The following TBC1D16 variants were observed in gnomAD, a reference collection of about 807,000 sequenced individuals.
TBC1D16 encodes the protein CTD-2529O21.1.
A neutral mutation model predicts 74.7 loss-of-function variants in TBC1D16; 58 were observed. The ratio of observed to expected loss-of-function variants is 0.78; its 90% CI spans 0.63 to 0.97. TBC1D16 has a LOEUF of 0.97. Ranked by LOEUF, TBC1D16 falls within the 50% of genes least tolerant of loss-of-function variation. The pLI, the probability that TBC1D16 is intolerant of heterozygous loss-of-function variation, is 0.00. For missense variants in TBC1D16, 1,014 were observed against 1,079.5 expected (o/e 0.94, Z 0.85); for synonymous variants, 493 against 474.7 (o/e 1.04, Z -0.50).
intron 5 of TBC1D16, among the ~76,000 whole-genome samples, chr17:79,951,234 G>C (rs1045202302): frequency 6.6e-6 from 1 of 152,238 alleles, no homozygotes; most frequent in African/African-American, 2.4e-5. Flanking sequence ...GTCAAAACAT[G>C]ATTTTTCAAG....
rs372386500 is a variant in TBC1D16, at chr17:80,031,733, G to C, written c.-63+4062C>G. On this transcript the variant is annotated intron_variant, in intron 1 of 11. Transcript: ENST00000310924. ...CCTGGGAGAAGAAACTCAACTCAGAGGTGAGCCTGGATCTGGGACTAAGGA... is the reference window on the plus strand; with the variant it reads ...CCTGGGAGAAGAAACTCAACTCAGACGTGAGCCTGGATCTGGGACTAAGGA... Among the ~76,000 whole-genome samples the C allele has an allele frequency of 4.1e-4, 63 of 152,324 alleles. 1 individual carries two copies. The South Asian group carries it at 0.013, about 31-fold the overall frequency.
intron 1 of TBC1D16, among the ~76,000 whole-genome samples, chr17:80,030,300 G>C (rs1568654820): frequency 6.6e-6 from 1 of 152,136 alleles, no homozygotes; most frequent in Non-Finnish European, 1.5e-5. Context: ...CCCCCACGCA[G>C]AGTGACTACT....
chr17:80,027,950 C>A (rs1479316045), intron 1 of TBC1D16, among the ~76,000 whole-genome samples: 2 of 148,902 alleles, frequency 1.3e-5, no homozygotes, highest in East Asian at 2.0e-4. Context: ...ACAATAAGAA[C>A]CCCCCATTCT....
intron 1 of TBC1D16, among the ~76,000 whole-genome samples, chr17:80,021,661 A>G (rs2036285868): frequency 6.7e-6 from 1 of 149,050 alleles, no homozygotes; most frequent in Non-Finnish European, 1.5e-5. Context: ...CACGCACCAC[A>G]TACCATAGGC....
chr17:80,032,991 G>A (rs754404158), intron 1 of TBC1D16, among the ~76,000 whole-genome samples: 2 of 152,108 alleles, frequency 1.3e-5, no homozygotes, highest in Non-Finnish European at 2.9e-5. Context: ...CCCAGCCCCC[G>A]GTCAAGTTGT....
In TBC1D16 at chr17:80,010,808, A is replaced by C; in HGVS notation, c.182-51T>G. 1 of 1,367,770 alleles carries C rather than the reference A, an allele frequency of 7.3e-7. No homozygotes were observed. Among genetic ancestry groups the C allele is most frequent in the Non-Finnish European group, 9.7e-7 (1 of 1,034,216 alleles). 84.7% of individuals were successfully genotyped at this position (1,367,770 alleles called of 1,614,324 possible). On this transcript the variant is annotated intron_variant, in intron 2 of 11. Coordinates refer to ENST00000310924, the MANE Select transcript of TBC1D16 (RefSeq NM_019020.4). The surrounding 1 kb of genome is among the most constrained non-coding windows in gnomAD (Gnocchi z 8.8). ...GTTAGAGGCCAGGAGGCTGTGGATG[A>C]GGCCCTTGTGGTACCTTTGGCGAGC...
chr17:79,962,201 A>ATTT (rs563506473), intron 3 of TBC1D16, among the ~76,000 whole-genome samples: 9 of 64,920 alleles, frequency 1.4e-4, no homozygotes, highest in East Asian at 5.9e-4. Context: ...ATCTCAACCT[A>ATTT]TTTTTTTTTT....
In TBC1D16 at chr17:79,938,600, G is replaced by C. The variant is rs1663195; in HGVS notation, c.*2259C>G. 16,099 of 152,364 alleles carry C rather than the reference G, an allele frequency of 0.11. 1,048 individuals are homozygous for C. Among genetic ancestry groups the C allele is most frequent in the Non-Finnish European group, 0.15 (10,327 of 68,082 alleles). 9.4% of individuals were successfully genotyped at this position (152,364 alleles called of 1,614,324 possible). ...CCCCTGGAGCAGGCGGGTGGGGAAG[G>C]AGTGCTCCAAAGCAGGCATTATTAG... On this transcript the variant is annotated 3_prime_UTR_variant, in exon 12 of 12. Coordinates refer to ENST00000310924, the MANE Select transcript of TBC1D16 (RefSeq NM_019020.4).
chr17:80,017,409 C>T (rs552444749), intron 1 of TBC1D16, among the ~76,000 whole-genome samples: 16 of 152,208 alleles, frequency 1.1e-4, no homozygotes, highest in South Asian at 2.1e-4. Flanking sequence ...CGGCCAGGCG[C>T]GGTGGCTCAC....
chr17:79,942,785 G>A (rs901241216), intron 10 of TBC1D16, among the ~76,000 whole-genome samples: 2 of 152,190 alleles, frequency 1.3e-5, no homozygotes, highest in African/African-American at 2.4e-5. Flanking sequence ...CTAACAGAGC[G>A]GGCACAGCAG....
In TBC1D16 at chr17:79,950,572, C is replaced by T; in HGVS notation, c.1096G>A (p.Ala366Thr). ...TEMQLKDQQV[A>T]PDKTCMQFSI... Reference sequence around the variant, plus strand: ...AACTGCATGCATGTCTTATCGGGGGCGACCTGCTGGACGGGAGGAAAACTG... The same window carrying T: ...AACTGCATGCATGTCTTATCGGGGGTGACCTGCTGGACGGGAGGAAAACTG... Residue 366 changes from alanine (A) to threonine (T), a missense_variant, in exon 6 of 12, where the codon GCC becomes ACC. Physicochemically the swap from Ala to Thr is moderately conservative, Grantham distance 58. Coordinates refer to ENST00000310924, the MANE Select transcript of TBC1D16 (RefSeq NM_019020.4). The surrounding 1 kb of genome is among the most constrained non-coding windows in gnomAD (Gnocchi z 4.6). 2.5e-6 allele frequency: 4 copies of T among 1,611,826 alleles called. No individual in the cohort carries two copies. Among genetic ancestry groups the T allele is most frequent in the Non-Finnish European group, 3.4e-6 (4 of 1,179,398 alleles).
intron 1 of TBC1D16, among the ~76,000 whole-genome samples, chr17:80,017,497 C>T (rs1463383987): frequency 1.3e-5 from 2 of 151,930 alleles, no homozygotes; most frequent in Non-Finnish European, 2.9e-5. Flanking sequence ...GCCTGACCAA[C>T]ATGGAGAAAT....
In TBC1D16 at chr17:79,937,333, G is replaced by C. The variant is rs991763400; in HGVS notation, c.*3526C>G. Reference sequence around the variant, plus strand: ...CAAAAGAGCTGGGCAACCTCTGCCAGCCACTACCCCTTAGCCCAAGGGGAG... The same window carrying C: ...CAAAAGAGCTGGGCAACCTCTGCCACCCACTACCCCTTAGCCCAAGGGGAG... On this transcript the variant is annotated 3_prime_UTR_variant, in exon 12 of 12. Transcript: ENST00000310924. 4 of 77,952 alleles carry C rather than the reference G, an allele frequency of 5.1e-5. No homozygotes were observed. The highest frequency in any genetic ancestry group is 1.2e-4 in the Non-Finnish European group (4 of 32,120). The allele number at this position is 77,952 out of a possible 1,614,324, so 4.8% of individuals were successfully genotyped here.
In TBC1D16 at chr17:80,010,009, C is replaced by T. The variant is rs1043209872; in HGVS notation, c.779+151G>A. On this transcript the variant is annotated intron_variant, in intron 3 of 11. Coordinates refer to ENST00000310924, the MANE Select transcript of TBC1D16 (RefSeq NM_019020.4). The surrounding 1 kb of genome is among the most constrained non-coding windows in gnomAD (Gnocchi z 8.8). ...CTGAAGCCCTTGCCTCAGGGAGGGG[C>T]TCCTGCCACAGCCACGGCCACAGCC... 1.0e-4 allele frequency: 67 copies of T among 668,804 alleles called. No homozygotes were observed. The highest frequency in any genetic ancestry group is 1.8e-4 in the South Asian group (9 of 51,224). 41.4% of individuals were successfully genotyped at this position (668,804 alleles called of 1,614,324 possible).
In TBC1D16 at chr17:79,943,931, A is replaced by G. The variant is rs2032271160; in HGVS notation, c.1908+977T>C. On this transcript the variant is annotated intron_variant, in intron 10 of 11. Coordinates refer to ENST00000310924, the MANE Select transcript of TBC1D16 (RefSeq NM_019020.4). ...GGGAATGAAGCCTCTCAGACCGTCCATGCCGTGCTTCCCTTCGTTAATGCA... is the reference window on the plus strand; with the variant it reads ...GGGAATGAAGCCTCTCAGACCGTCCGTGCCGTGCTTCCCTTCGTTAATGCA... The G allele has an allele frequency of 2.1e-6, 3 of 1,460,442 alleles. No homozygotes were observed. In the Admixed American group the frequency reaches 6.8e-5, roughly 33 times the overall value. 90.5% of individuals were successfully genotyped at this position (1,460,442 alleles called of 1,614,324 possible).
rs779263403 is a variant in TBC1D16 at position 79,947,843 on chromosome 17, T to G, written c.1542-12A>C. ...TCAGCAGGATCCTCCTGGGAGGCGG[T>G]GGAGACAGCAGTGGGTGGGGATGAC... On this transcript the variant is annotated splice_polypyrimidine_tract_variant and intron_variant, in intron 8 of 11. Transcript: ENST00000310924. 211 of 1,610,784 alleles carry G rather than the reference T, an allele frequency of 1.3e-4. No homozygotes were observed. Among genetic ancestry groups the G allele is most frequent in the Non-Finnish European group, 1.7e-4 (205 of 1,178,514 alleles).
intron 3 of TBC1D16, among the ~76,000 whole-genome samples, chr17:80,004,201 C>T (rs2144618395): frequency 6.6e-6 from 1 of 152,382 alleles, no homozygotes; most frequent in East Asian, 1.9e-4. Flanking sequence ...ACGGCGCAGA[C>T]CTGGGTTCTG....
chr17:80,025,537 C>T (rs2036547800), intron 1 of TBC1D16, among the ~76,000 whole-genome samples: 1 of 149,756 alleles, frequency 6.7e-6, no homozygotes, highest in South Asian at 2.1e-4. Flanking sequence ...AGTTTTGCAG[C>T]AGTCCTGGCA....
chr17:79,995,905 A>G (rs1241315854), intron 3 of TBC1D16, among the ~76,000 whole-genome samples: 1 of 152,238 alleles, frequency 6.6e-6, no homozygotes, highest in Non-Finnish European at 1.5e-5. Context: ...CATCAACATT[A>G]AAGTCTTTTG....
Sources: gnomAD v4.1 joint callset for allele counts (sites outside exome capture counted in the v4.1 genomes callset) on GRCh38, gnomAD v4.1.1 for gene constraint, Gnocchi (gnomAD v3.1) non-coding constraint, MANE v1.5 for transcripts, NCBI Gene and HGNC (gene_info 2026-07-23, HGNC 2026-07-21) for gene names.